Variants in STK32A observed in about 807,000 individuals in gnomAD.
The protein encoded by STK32A is serine/threonine kinase 32A, also known as serine/threonine-protein kinase 32A.
Under a neutral mutation model 53.2 loss-of-function variants are expected in STK32A, and 41 were observed. That is an observed-to-expected ratio of 0.77 (90% CI 0.60 to 1.00). The LOEUF (loss-of-function observed/expected upper bound fraction) is 1.00. Among genes scored for constraint, STK32A ranks in the 50% least tolerant of loss-of-function variants. The pLI, the probability that STK32A is intolerant of heterozygous loss-of-function variation, is 0.00. For missense variants in STK32A, 458 were observed against 485.8 expected (o/e 0.94, Z 0.54); for synonymous variants, 166 against 162.8 (o/e 1.02, Z -0.15).
At chr5:147,299,715 C>CCATT (rs1389895253) in intron 4 of STK32A, among the ~76,000 whole-genome samples, 2 of 152,126 alleles carry the variant, frequency 1.3e-5, no homozygotes, top group African/African-American at 2.4e-5. Flanking sequence ...TGAATATACT[C>CCATT]CAATTAACAG....
chr5:147,311,882 G>A (rs1320877869), intron 4 of STK32A, among the ~76,000 whole-genome samples: 4 of 152,048 alleles, frequency 2.6e-5, no homozygotes, highest in Admixed American at 6.5e-5. Flanking sequence ...ACAAGCGTGA[G>A]TCATCTGCAC....
chr5:147,267,762 T>C (rs995634633), intron 2 of STK32A, among the ~76,000 whole-genome samples: 7 of 152,154 alleles, frequency 4.6e-5, no homozygotes, highest in African/African-American at 1.2e-4. Flanking sequence ...TAAATACTTA[T>C]CTACTGAGAG....
At chr5:147,389,058 A>G (rs1170781970), downstream of STK32A, among the ~76,000 whole-genome samples, 1 of 152,234 alleles carries the variant, frequency 6.6e-6, no homozygotes, top group East Asian at 1.9e-4. Flanking sequence ...CACTTAGAGT[A>G]GCTTGTGACT....
At chr5:147,331,236 C>G (rs544160009) in intron 5 of STK32A, among the ~76,000 whole-genome samples, 1 of 152,280 alleles carries the variant, frequency 6.6e-6, no homozygotes, top group East Asian at 1.9e-4. Flanking sequence ...GCACCTATGT[C>G]ACTTTTTTAA....
chr5:147,279,462 C>A (rs1260005737), intron 4 of STK32A, 64 bp downstream of exon 4: 7 of 1,453,106 alleles, frequency 4.8e-6, no homozygotes, highest in Non-Finnish European at 6.5e-6. Flanking sequence ...AGGGGAGGTC[C>A]CCAAATGCCT....
downstream of STK32A, chr5:147,391,511 T>G (rs985853382): frequency 4.6e-5 from 7 of 152,312 alleles, no homozygotes; most frequent in South Asian, 2.1e-4. Context: ...GGCCAAGGGA[T>G]GAGATGGCAA....
chr5:147,278,270 G>T, intron 3 of STK32A, 91 bp downstream of exon 3: 3 of 1,023,526 alleles, frequency 2.9e-6, no homozygotes, highest in Non-Finnish European at 4.3e-6. Flanking sequence ...TGAGTTGCTG[G>T]GACCGCAAGG....
the STK32A span, among the ~76,000 whole-genome samples, chr5:147,395,180 G>T: frequency 6.6e-6 from 1 of 152,196 alleles, no homozygotes; most frequent in Non-Finnish European, 1.5e-5. Context: ...AATAATTTAA[G>T]CTATCTTTTA....
chr5:147,314,485 C>T (rs1278791394), intron 4 of STK32A, among the ~76,000 whole-genome samples: 8 of 122,356 alleles, frequency 6.5e-5, no homozygotes, highest in African/African-American at 1.0e-4. Context: ...GCAACAAGAG[C>T]GAAACTCCAT....
chr5:147,336,939 G>A (rs1755161192), intron 5 of STK32A, among the ~76,000 whole-genome samples: 1 of 152,198 alleles, frequency 6.6e-6, no homozygotes, highest in South Asian at 2.1e-4. Context: ...GGACACTGAA[G>A]GAGTTGATTT....
At chr5:147,268,110 G>A (rs1245016142) in intron 2 of STK32A, among the ~76,000 whole-genome samples, 1 of 148,434 alleles carries the variant, frequency 6.7e-6, no homozygotes, top group Non-Finnish European at 1.5e-5. Context: ...GGACACACTT[G>A]AGAATCACGT....
chr5:147,332,669 G>A (rs1754929609), intron 5 of STK32A, among the ~76,000 whole-genome samples: 1 of 152,058 alleles, frequency 6.6e-6, no homozygotes, highest in South Asian at 2.1e-4. Context: ...ACAAGCCCTT[G>A]CAAATGTTCT....
the STK32A span, among the ~76,000 whole-genome samples, chr5:147,400,047 A>G: frequency 0.021 from 3,221 of 152,312 alleles, 40 homozygotes; most frequent in South Asian, 0.032. Context: ...CATAACTTTG[A>G]TAAGAATGTT....
At chr5:147,252,678 C>T (rs1343389424) in intron 2 of STK32A, among the ~76,000 whole-genome samples, 1 of 152,178 alleles carries the variant, frequency 6.6e-6, no homozygotes, top group Non-Finnish European at 1.5e-5. Context: ...CCCATCATGC[C>T]TCAGCCCAGT....
intron 4 of STK32A, among the ~76,000 whole-genome samples, chr5:147,279,964 G>T (rs989585408): frequency 7.2e-5 from 11 of 152,144 alleles, no homozygotes; most frequent in Non-Finnish European, 1.3e-4. Flanking sequence ...GTGGGAAAGA[G>T]AGACCCTCCT....
chr5:147,343,435 A>G (rs976836112), intron 6 of STK32A, among the ~76,000 whole-genome samples: 1 of 152,236 alleles, frequency 6.6e-6, no homozygotes, highest in Non-Finnish European at 1.5e-5. Context: ...CTAGACATTA[A>G]TGACATTATT....
chr5:147,373,803 T>C (rs1187466614), intron 10 of STK32A, among the ~76,000 whole-genome samples: 2 of 152,142 alleles, frequency 1.3e-5, no homozygotes, highest in African/African-American at 2.4e-5. Flanking sequence ...ATAATTCCCA[T>C]TGGATGGATA....
intron 4 of STK32A, among the ~76,000 whole-genome samples, chr5:147,304,343 G>C (rs996269198): frequency 6.6e-6 from 1 of 152,176 alleles, no homozygotes; most frequent in African/African-American, 2.4e-5. Flanking sequence ...CATTTAGATG[G>C]GGAGATTGGA....
At chr5:147,275,950 C>T (rs1050109910) in intron 2 of STK32A, among the ~76,000 whole-genome samples, 1 of 152,146 alleles carries the variant, frequency 6.6e-6, no homozygotes, top group Non-Finnish European at 1.5e-5. Context: ...GAACTTCATG[C>T]TTTCTAGGTA....
Sources: gnomAD v4.1 joint callset for allele counts (sites outside exome capture counted in the v4.1 genomes callset) on GRCh38, gnomAD v4.1.1 for gene constraint, MANE v1.5 for transcripts, NCBI Gene and HGNC (gene_info 2026-07-23, HGNC 2026-07-21) for gene names.